The following IMMP2L variants were observed in gnomAD, a reference collection of about 807,000 sequenced individuals.
IMMP2L encodes inner mitochondrial membrane peptidase subunit 2.
In IMMP2L, 18 loss-of-function variants were observed where a neutral mutation model predicts 19.3. The observed-to-expected ratio is 0.93, with a 90% confidence interval of 0.64 to 1.38. The LOEUF (loss-of-function observed/expected upper bound fraction) is 1.38, where lower values mean the gene tolerates loss of function less well. Among genes scored for constraint, IMMP2L ranks in the 40% most tolerant of loss-of-function variants. The pLI, the probability that IMMP2L is intolerant of heterozygous loss-of-function variation, is 0.00. For synonymous variants in IMMP2L, 76 were observed against 73.0 expected (o/e 1.04, Z -0.21); for missense variants, 233 against 218.2 (o/e 1.07, Z -0.43).
chr7:110,953,165 T>C (rs1818007623), intron 4 of IMMP2L, among the ~76,000 whole-genome samples: 1 of 152,138 alleles, frequency 6.6e-6, no homozygotes, highest in Non-Finnish European at 1.5e-5. Context: ...AATCAACATT[T>C]TTCTAATCTT....
chr7:110,672,079 T>A (rs1026903348), intron 5 of IMMP2L, among the ~76,000 whole-genome samples: 1 of 152,026 alleles, frequency 6.6e-6, no homozygotes, highest in Non-Finnish European at 1.5e-5. Context: ...ATCATGCTGC[T>A]AATAACTAAT....
intron 3 of IMMP2L, among the ~76,000 whole-genome samples, chr7:111,204,551 GCT>G (rs916030939): frequency 7.2e-5 from 11 of 151,948 alleles, no homozygotes; most frequent in Admixed American, 3.9e-4. Flanking sequence ...TGATCTACCA[GCT>G]CTCTTTTCCC....
At chr7:111,242,695 A>C (rs977193492) in intron 3 of IMMP2L, among the ~76,000 whole-genome samples, 5 of 152,000 alleles carry the variant, frequency 3.3e-5, no homozygotes, top group African/African-American at 1.2e-4. Flanking sequence ...TGGACATCTC[A>C]GATGACCACT....
rs78816221 is a variant in IMMP2L at position 110,802,668 on chromosome 7, T to C, written c.408+83925A>G. Among the ~76,000 whole-genome samples the C allele has an allele frequency of 3.0e-3, 464 of 152,144 alleles. 1 individual carries two copies. The highest frequency in any genetic ancestry group is 0.01 in the African/African-American group (435 of 41,542). Reference sequence around the variant, plus strand: ...GGGCCATAAAAACCATTAACTATAATAGGTTCTTTCAGTCAGTAAGTATTT... The same window carrying C: ...GGGCCATAAAAACCATTAACTATAACAGGTTCTTTCAGTCAGTAAGTATTT... On this transcript the variant is annotated intron_variant, in intron 5 of 5. Transcript: ENST00000405709.
chr7:111,279,601 A>G (rs1041531634), intron 3 of IMMP2L, among the ~76,000 whole-genome samples: 3 of 152,174 alleles, frequency 2.0e-5, no homozygotes, highest in Non-Finnish European at 4.4e-5. Context: ...TTTGTCATCT[A>G]TGAAACTAAG....
At chr7:110,871,036 T>C (rs1808490550) in intron 5 of IMMP2L, among the ~76,000 whole-genome samples, 1 of 151,952 alleles carries the variant, frequency 6.6e-6, no homozygotes, top group Non-Finnish European at 1.5e-5. Context: ...CACGTGACTC[T>C]AGGACGTTGG....
chr7:110,849,168 T>G (rs1563022804), intron 5 of IMMP2L, among the ~76,000 whole-genome samples: 1 of 152,088 alleles, frequency 6.6e-6, no homozygotes, highest in Non-Finnish European at 1.5e-5. Context: ...TATGTGTTTG[T>G]GAGGACAGAG....
At chr7:111,544,133 C>T (rs546205126) in intron 1 of IMMP2L, among the ~76,000 whole-genome samples, 1 of 151,722 alleles carries the variant, frequency 6.6e-6, no homozygotes, top group Non-Finnish European at 1.5e-5. Context: ...TCATTCTGAG[C>T]AAACTATCCC....
At chr7:111,384,112 C>T (rs1831475093) in intron 3 of IMMP2L, among the ~76,000 whole-genome samples, 1 of 151,764 alleles carries the variant, frequency 6.6e-6, no homozygotes, top group South Asian at 2.1e-4. Flanking sequence ...CCAGTGCACT[C>T]CAGCCCGCGT....
At chr7:111,428,881 A>G (rs1258907958) in intron 3 of IMMP2L, among the ~76,000 whole-genome samples, 3 of 151,908 alleles carry the variant, frequency 2.0e-5, no homozygotes, top group Non-Finnish European at 4.4e-5. Flanking sequence ...ACAAAGCTCC[A>G]TAAGTACTTA....
At chr7:111,172,151 C>T (rs1324619218) in intron 3 of IMMP2L, among the ~76,000 whole-genome samples, 1 of 151,330 alleles carries the variant, frequency 6.6e-6, no homozygotes, top group Non-Finnish European at 1.5e-5. Flanking sequence ...GTTGCTAAAC[C>T]TGTTTGCTAA....
intron 3 of IMMP2L, among the ~76,000 whole-genome samples, chr7:111,445,129 G>A (rs1246860179): frequency 1.3e-5 from 2 of 151,902 alleles, no homozygotes; most frequent in African/African-American, 2.4e-5. Flanking sequence ...TCTCAAGTAT[G>A]ATATCCTTTC....
intron 3 of IMMP2L, among the ~76,000 whole-genome samples, chr7:111,463,598 T>C (rs945594395): frequency 1.3e-5 from 2 of 152,150 alleles, no homozygotes; most frequent in Non-Finnish European, 2.9e-5. Context: ...CCTATTTCCC[T>C]GTCCACTAGC....
At chr7:111,524,801 C>G (rs1429315553) in intron 1 of IMMP2L, among the ~76,000 whole-genome samples, 1 of 146,358 alleles carries the variant, frequency 6.8e-6, no homozygotes, top group South Asian at 2.1e-4. Flanking sequence ...ATGAACACCA[C>G]TACCAGATCC....
chr7:111,026,844 G>C (rs1296288399), intron 3 of IMMP2L, among the ~76,000 whole-genome samples: 3 of 152,152 alleles, frequency 2.0e-5, no homozygotes, highest in Non-Finnish European at 2.9e-5. Context: ...TACAGTTGTA[G>C]TGTAATGTGG....
intron 3 of IMMP2L, among the ~76,000 whole-genome samples, chr7:111,191,793 T>C (rs939839368): frequency 2.0e-5 from 3 of 152,094 alleles, no homozygotes; most frequent in African/African-American, 7.2e-5. Flanking sequence ...ATTCTTTCTA[T>C]ACACATCCCT....
At chr7:111,023,476 G>T (rs1826493884) in intron 3 of IMMP2L, among the ~76,000 whole-genome samples, 1 of 151,716 alleles carries the variant, frequency 6.6e-6, no homozygotes, top group Non-Finnish European at 1.5e-5. Context: ...CAAGGTGGGT[G>T]GATCACCTGA....
intron 3 of IMMP2L, among the ~76,000 whole-genome samples, chr7:111,167,061 C>T (rs1217053051): frequency 6.6e-6 from 1 of 152,002 alleles, no homozygotes; most frequent in Non-Finnish European, 1.5e-5. Flanking sequence ...AAACCCAACA[C>T]TATCACAAGC....
At chr7:111,217,498 A>T (rs912105640) in intron 3 of IMMP2L, among the ~76,000 whole-genome samples, 6 of 152,120 alleles carry the variant, frequency 3.9e-5, no homozygotes, top group Admixed American at 6.6e-5. Context: ...CTCCTGAAGC[A>T]TTTAGCCTAC....
Sources: allele counts gnomAD v4.1 joint callset (sites outside exome capture counted in the v4.1 genomes callset), GRCh38; gene constraint gnomAD v4.1.1; transcripts MANE v1.5; gene names NCBI Gene and HGNC (gene_info 2026-07-23, HGNC 2026-07-21).